Variants in RIGI observed in about 807,000 individuals in gnomAD.
RIGI encodes the protein RNA sensor RIG-I, also known as antiviral innate immune response receptor RIG-I.
chr9:32,512,191 A>G, the RIGI span, among the ~76,000 whole-genome samples: 1 of 152,178 alleles, frequency 6.6e-6, no homozygotes, highest in Non-Finnish European at 1.5e-5. Flanking sequence ...CAATAGAAAA[A>G]GAGGGACTCC....
chr9:32,497,960 A>C, the RIGI span, among the ~76,000 whole-genome samples: 1 of 152,214 alleles, frequency 6.6e-6, no homozygotes, highest in African/African-American at 2.4e-5. Flanking sequence ...AAGGATTAAA[A>C]TAACTTATAA....
the RIGI span, chr9:32,477,279 C>A: frequency 1.2e-6 from 1 of 840,360 alleles, no homozygotes; most frequent in Non-Finnish European, 1.8e-6. Context: ...TTGGTACAAC[C>A]TTTTAAGAGG....
chr9:32,524,355 A>G, the RIGI span, among the ~76,000 whole-genome samples: 7 of 152,222 alleles, frequency 4.6e-5, no homozygotes, highest in Non-Finnish European at 8.8e-5. Flanking sequence ...AGTGCATGAA[A>G]AAATGGAATT....
At chr9:32,485,034 T>G in the RIGI span, 1 of 587,980 alleles carries the variant, frequency 1.7e-6, no homozygotes, top group Non-Finnish European at 2.9e-6. Context: ...ATAAGGCTCC[T>G]AAATAACCTA....
At chr9:32,488,644 T>C in the RIGI span, 1 of 1,321,482 alleles carries the variant, frequency 7.6e-7, no homozygotes, top group Non-Finnish European at 1.0e-6. Flanking sequence ...TAATATAAAT[T>C]TTTTTAAATC....
the RIGI span, chr9:32,480,502 C>T: frequency 1.4e-6 from 1 of 691,566 alleles, no homozygotes; most frequent in Non-Finnish European, 2.1e-6. Context: ...GATGAATGGC[C>T]TCTAACAGTT....
At chr9:32,516,075 CTTGTT>C in the RIGI span, among the ~76,000 whole-genome samples, 1 of 152,180 alleles carries the variant, frequency 6.6e-6, no homozygotes, top group Non-Finnish European at 1.5e-5. Flanking sequence ...GAAGCTTACA[CTTGTT>C]TTATCTGAGA....
At chr9:32,505,353 A>C in the RIGI span, among the ~76,000 whole-genome samples, 1 of 152,066 alleles carries the variant, frequency 6.6e-6, no homozygotes, top group Non-Finnish European at 1.5e-5. Flanking sequence ...TTTCACATTA[A>C]AAATTAAGAA....
At chr9:32,492,899 A>AT in the RIGI span, among the ~76,000 whole-genome samples, 5,098 of 152,074 alleles carry the variant, frequency 0.034, 280 homozygotes, top group African/African-American at 0.11. Context: ...ATATTAACAA[A>AT]TTTTTCTTCA....
chr9:32,469,382 T>C, the RIGI span, among the ~76,000 whole-genome samples: 2 of 152,310 alleles, frequency 1.3e-5, no homozygotes, highest in African/African-American at 4.8e-5. Flanking sequence ...ATCCAATTCT[T>C]CCCTCTTGGA....
the RIGI span, among the ~76,000 whole-genome samples, chr9:32,471,487 G>T: frequency 1.3e-5 from 2 of 152,054 alleles, no homozygotes; most frequent in African/African-American, 4.8e-5. Flanking sequence ...TGATTAAAAG[G>T]TCCATTTTTA....
chr9:32,463,643 C>G, the RIGI span, among the ~76,000 whole-genome samples: 42 of 152,058 alleles, frequency 2.8e-4, no homozygotes, highest in African/African-American at 1.0e-3. Flanking sequence ...AAATCAATAA[C>G]TGGGTAAAGA....
At chr9:32,487,763 G>A in the RIGI span, 1 of 1,239,076 alleles carries the variant, frequency 8.1e-7, no homozygotes, top group African/African-American at 1.5e-5. Context: ...TATGGCACAT[G>A]GAGGCACATA....
the RIGI span, among the ~76,000 whole-genome samples, chr9:32,470,434 G>A: frequency 6.6e-6 from 1 of 152,048 alleles, no homozygotes; most frequent in Non-Finnish European, 1.5e-5. Flanking sequence ...GGTCATGACT[G>A]TGTTCCCCCA....
At chr9:32,478,642 G>A in the RIGI span, among the ~76,000 whole-genome samples, 2 of 152,004 alleles carry the variant, frequency 1.3e-5, no homozygotes, top group East Asian at 1.9e-4. Flanking sequence ...TCACTGCAAC[G>A]TCTGCCTTCC....
chr9:32,480,243 G>T, the RIGI span: 1 of 1,608,102 alleles, frequency 6.2e-7, no homozygotes, highest in South Asian at 1.1e-5. Flanking sequence ...GTAAGATCTT[G>T]CTCAATCTCA....
At chr9:32,526,082 T>C in the RIGI span, 7 of 1,613,426 alleles carry the variant, frequency 4.3e-6, no homozygotes, top group Non-Finnish European at 5.9e-6. Flanking sequence ...CAGGGGGCCA[T>C]GTAGCTCAGG....
the RIGI span, among the ~76,000 whole-genome samples, chr9:32,497,706 C>CA: frequency 6.6e-6 from 1 of 152,222 alleles, no homozygotes; most frequent in Non-Finnish European, 1.5e-5. Context: ...GAGATTGCGC[C>CA]ACTGCACTCC....
At chr9:32,488,317 G>A in the RIGI span, 4 of 1,166,282 alleles carry the variant, frequency 3.4e-6, no homozygotes, top group Admixed American at 4.3e-5. Context: ...TCCAAAAGAA[G>A]AATAGCTGTA....
Sources: gnomAD v4.1 joint callset for allele counts (sites outside exome capture counted in the v4.1 genomes callset) on GRCh38, gnomAD v4.1.1 for gene constraint, MANE v1.5 for transcripts, NCBI Gene and HGNC (gene_info 2026-07-23, HGNC 2026-07-21) for gene names.